MYO19: variants seen among roughly 807,000 people sequenced by gnomAD.
The protein encoded by MYO19 is myosin XIX.
Under a neutral mutation model 129.2 loss-of-function variants are expected in MYO19, and 132 were observed. That is an observed-to-expected ratio of 1.02 (90% CI 0.89 to 1.18). The LOEUF (loss-of-function observed/expected upper bound fraction) is 1.18. Ranked by LOEUF, MYO19 falls within the 50% of genes most tolerant of loss-of-function variation. The pLI, the probability that MYO19 is intolerant of heterozygous loss-of-function variation, is 0.00. For synonymous variants in MYO19, 531 were observed against 477.2 expected, an observed-to-expected ratio of 1.11 and a Z score of -1.47; for missense variants, 1,210 against 1,216.7, an observed-to-expected ratio of 0.99 and a Z score of 0.08.
Position 36,507,477 on chromosome 17 carries a change from G to GA in MYO19, c.1388dup (p.Ile464HisfsTer14). On this transcript the variant is annotated frameshift_variant, in exon 16 of 26. Transcript: ENST00000614623. LOFTEE classifies it high-confidence loss of function. ...AGGGCTGGTTGTCCTGGTAGTTGAT[G>GA]AATGACCACTCCAGGCCCTCAACTG... 6.2e-7 allele frequency: 1 copy of GA among 1,613,754 alleles called. No homozygotes were observed. Among genetic ancestry groups the GA allele is most frequent in the East Asian group, 2.2e-5 (1 of 44,868 alleles).
In MYO19 at chr17:36,506,445, A is replaced by T. The variant is rs745457193; in HGVS notation, c.1797+11T>A. ...TGAACCAAGCACCTCCCATCAGCAC[A>T]TCAGACCCACCTTGAACTTGGACAC... On this transcript the variant is annotated intron_variant, in intron 18 of 25. Coordinates refer to ENST00000614623, the MANE Select transcript of MYO19 (RefSeq NM_001163735.2). The T allele has an allele frequency of 6.2e-7, 1 of 1,613,904 alleles. No individual in the cohort carries two copies. Among genetic ancestry groups the T allele is most frequent in the Non-Finnish European group, 8.5e-7 (1 of 1,179,852 alleles).
chr17:36,513,222 C>T (rs2072489139), intron 11 of MYO19: 3 of 1,447,916 alleles, frequency 2.1e-6, no homozygotes, highest in African/African-American at 2.9e-5. Flanking sequence ...ACTGTGTATG[C>T]ATCACTCTTC....
intron 2 of MYO19, among the ~76,000 whole-genome samples, chr17:36,540,318 T>C (rs2074190355): frequency 6.6e-6 from 1 of 151,932 alleles, no homozygotes; most frequent in Admixed American, 6.6e-5. Context: ...CCCAAAGTGC[T>C]GGGATTACAG....
Position 36,513,304 on chromosome 17 carries a change from A to G in MYO19, c.894+125T>C. 3 of 1,564,920 alleles carry G rather than the reference A, an allele frequency of 1.9e-6. No homozygotes were observed. The South Asian group carries it at 3.6e-5, about 19-fold the overall frequency. Reference sequence around the variant, plus strand: ...CAGAGGTGACTGATTCCTTGGAGGTAGCACAGAAGGGCCCAAAGTCCTAGA... The same window carrying G: ...CAGAGGTGACTGATTCCTTGGAGGTGGCACAGAAGGGCCCAAAGTCCTAGA... On this transcript the variant is annotated intron_variant, in intron 11 of 25. Transcript: ENST00000614623.
chr17:36,507,101 G>A lies in MYO19; in HGVS notation c.1506C>T (p.Leu502=). The A allele has an allele frequency of 6.2e-7, 1 of 1,612,048 alleles. No homozygotes were observed. The highest frequency in any genetic ancestry group is 8.5e-7 in the Non-Finnish European group (1 of 1,178,414). ...RLNRPSSAAQ[L]QTRIETALAG... is the part of the protein sequence containing the mutation. ...CCAGGGCAGTCTCAATGCGTGTCTG[G>A]AGCTGGGCTGCGCTGCTGGGTCGAT... is the stretch of plus-strand genomic sequence containing the variant. Residue 502 remains leucine, a synonymous_variant, in exon 17 of 26, where the codon CTC becomes CTT. Coordinates refer to ENST00000614623, the MANE Select transcript of MYO19 (RefSeq NM_001163735.2).
upstream of MYO19, chr17:36,537,441 G>C: frequency 6.2e-7 from 1 of 1,614,046 alleles, no homozygotes; most frequent in East Asian, 2.2e-5. Context: ...AAAAATCCTT[G>C]AAAAATTCTT....
At chr17:36,538,836 C>T (rs867763935), upstream of MYO19, 33 of 442,230 alleles carry the variant, frequency 7.5e-5, no homozygotes, top group Admixed American at 1.1e-3. Context: ...TCACTGCAAC[C>T]TCCACCTCCC....
At chr17:36,507,311 G>C (rs2071980019) in intron 16 of MYO19, 88 bp downstream of exon 16, 2 of 1,433,692 alleles carry the variant, frequency 1.4e-6, no homozygotes, top group East Asian at 4.6e-5. Context: ...GGAGGAGAGA[G>C]GCACAGAGAG....
At chr17:36,511,516 A>T in intron 11 of MYO19, 61 bp from the exon 12 acceptor site, 2 of 1,444,840 alleles carry the variant, frequency 1.4e-6, no homozygotes, top group Non-Finnish European at 1.9e-6. Flanking sequence ...CTACTCTGGG[A>T]AGGGCCGTTC....
At chr17:36,509,455 G>C in intron 13 of MYO19, 2 of 423,756 alleles carry the variant, frequency 4.7e-6, no homozygotes, top group Non-Finnish European at 4.4e-6. Context: ...GACCCAGCTA[G>C]TGTCTTGGGA....
In MYO19 at chr17:36,513,610, TG is replaced by T; in HGVS notation, c.817+18del. On this transcript the variant is annotated intron_variant, in intron 10 of 25. Coordinates refer to ENST00000614623, the MANE Select transcript of MYO19 (RefSeq NM_001163735.2). Reference sequence around the variant, plus strand: ...GTGATGCTGGGTCAGCGCAAGGTGCTGGATGGGGCTCCCCTTACCTTCTAAG... The same window carrying T: ...GTGATGCTGGGTCAGCGCAAGGTGCTGATGGGGCTCCCCTTACCTTCTAAG... 6.2e-7 allele frequency: 1 copy of T among 1,613,926 alleles called. No homozygotes were observed. The highest frequency in any genetic ancestry group is 8.5e-7 in the Non-Finnish European group (1 of 1,179,834).
upstream of MYO19, chr17:36,537,600 A>T: frequency 6.2e-7 from 1 of 1,614,130 alleles, no homozygotes; most frequent in Non-Finnish European, 8.5e-7. Flanking sequence ...GACAGGAGCA[A>T]TGGATTTTGG....
intron 2 of MYO19, chr17:36,541,996 G>C (rs888419751): frequency 6.6e-6 from 1 of 152,132 alleles, no homozygotes; most frequent in African/African-American, 2.4e-5. Context: ...TGTATCGATT[G>C]TATTATATTG....
intron 24 of MYO19, 121 bp from the exon 25 acceptor site, chr17:36,498,680 A>G: frequency 8.2e-7 from 1 of 1,223,406 alleles, no homozygotes; most frequent in Non-Finnish European, 1.1e-6. Flanking sequence ...ACCTGGTTGC[A>G]AACAGCTGGC....
chr17:36,496,350 A>C lies in MYO19; in HGVS notation c.2814T>G (p.Pro938=). The C allele has an allele frequency of 6.2e-7, 1 of 1,614,008 alleles. No homozygotes were observed. Among genetic ancestry groups the C allele is most frequent in the Non-Finnish European group, 8.5e-7 (1 of 1,179,892 alleles). The change falls in exon 26 of 26, where the codon CCT becomes CCG. Residue 938 remains proline, a synonymous_variant. Coordinates refer to ENST00000614623, the MANE Select transcript of MYO19 (RefSeq NM_001163735.2). ...CTGTAATGCTGTAGGGTGAAGGTTC[A>C]GGGCAGATGTCAGCATACCGCAGTG... ...KSPLRYADIC[P]EPSPYSITGF...
Position 36,499,141 on chromosome 17 carries a change from A to C in MYO19, c.2397T>G (p.Thr799=), listed in dbSNP as rs1309475628. Residue 799 remains threonine, a synonymous_variant, in exon 24 of 26, where the codon ACT becomes ACG. Coordinates refer to ENST00000614623, the MANE Select transcript of MYO19 (RefSeq NM_001163735.2). ...LIQAAIRSWL[T]RKHIQRLHAA... ...CATGCAGCCTCTGGATGTGTTTCCG[A>C]GTTAACCAGGAACGAATGGCTAAGA... 1 of 1,608,056 alleles carries C rather than the reference A, an allele frequency of 6.2e-7. No homozygotes were observed.
intron 24 of MYO19, 27 bp from the exon 25 acceptor site, chr17:36,498,586 C>T (rs375183480): frequency 1.1e-5 from 17 of 1,582,162 alleles, no homozygotes; most frequent in African/African-American, 9.4e-5. Flanking sequence ...CCCTTTATAG[C>T]TTTAGATTTA....
At chr17:36,538,474 C>T (rs775188584), upstream of MYO19, 1 of 1,614,126 alleles carries the variant, frequency 6.2e-7, no homozygotes, top group Non-Finnish European at 8.5e-7. Flanking sequence ...TCAAATATAA[C>T]AACTGGCCTG....
At chr17:36,526,017 T>C (rs2073442143) in intron 5 of MYO19, among the ~76,000 whole-genome samples, 1 of 152,070 alleles carries the variant, frequency 6.6e-6, no homozygotes, top group African/African-American at 2.4e-5. Flanking sequence ...GGCCACGCCA[T>C]CTCCACAATG....
Sources: gnomAD v4.1 joint callset for allele counts (sites outside exome capture counted in the v4.1 genomes callset) on GRCh38, gnomAD v4.1.1 for gene constraint, MANE v1.5 for transcripts, NCBI Gene and HGNC (gene_info 2026-07-23, HGNC 2026-07-21) for gene names.